Variants in KIAA1549L observed in about 807,000 individuals in gnomAD.
KIAA1549L encodes KIAA1549 like.
A neutral mutation model predicts 160.7 loss-of-function variants in KIAA1549L; 88 were observed. The observed-to-expected ratio is 0.55, with a 90% CI of 0.46 to 0.65. The LOEUF is 0.65. KIAA1549L is among the 30% of genes least tolerant of loss of function. KIAA1549L has a pLI of 0.00. For synonymous variants in KIAA1549L, 950 were observed against 976.7 expected (o/e 0.97, Z 0.51); for missense variants, 2,258 against 2,437.5 (o/e 0.93, Z 1.55).
chr11:33,550,042 C>CAA (rs11284498), intron 4 of KIAA1549L, among the ~76,000 whole-genome samples: 3 of 138,322 alleles, frequency 2.2e-5, no homozygotes, highest in African/African-American at 7.9e-5. Context: ...AAAAAAGAAA[C>CAA]AAAAAAAAAA....
At position 33,492,764 on chromosome 11, in the gene KIAA1549L, G is replaced by A. The variant is rs535472164; in HGVS notation, c.239-49038G>A. 2.6e-5 allele frequency among the ~76,000 whole-genome samples: 4 copies of A among 152,240 alleles called. No homozygotes were observed. The South Asian group carries it at 8.3e-4, about 32-fold the overall frequency. ...ATGGGTACAGTGTTTCCTATCAAAA[G>A]CTATCCCACACATTCTATTCATTAT... On this transcript the variant is annotated intron_variant, in intron 1 of 20. Coordinates refer to ENST00000658780, the MANE Select transcript of KIAA1549L (RefSeq NM_012194.3).
intron 1 of KIAA1549L, among the ~76,000 whole-genome samples, chr11:33,490,210 T>C (rs887739394): frequency 6.6e-6 from 1 of 152,222 alleles, no homozygotes; most frequent in Non-Finnish European, 1.5e-5. Flanking sequence ...ACTTGAGTTA[T>C]TGGGCAGTTG....
intron 1 of KIAA1549L, among the ~76,000 whole-genome samples, chr11:33,491,322 A>G (rs575810676): frequency 6.6e-6 from 1 of 152,312 alleles, no homozygotes; most frequent in Non-Finnish European, 1.5e-5. Context: ...TGGGTACTAC[A>G]CGGTTCACAT....
At chr11:33,434,242 G>C (rs530351138) in intron 1 of KIAA1549L, among the ~76,000 whole-genome samples, 9 of 152,256 alleles carry the variant, frequency 5.9e-5, no homozygotes, top group African/African-American at 2.2e-4. Flanking sequence ...TCTCGTGGTA[G>C]TGAATAAGTC....
At chr11:33,561,884 T>C (rs924294426) in intron 8 of KIAA1549L, 149 bp downstream of exon 8, 2 of 628,046 alleles carry the variant, frequency 3.2e-6, no homozygotes, top group Non-Finnish European at 5.7e-6. Flanking sequence ...CAGAAGTGAA[T>C]GGGGTAAGCT....
intron 13 of KIAA1549L, among the ~76,000 whole-genome samples, chr11:33,599,902 T>C (rs1850309175): frequency 6.6e-6 from 1 of 152,238 alleles, no homozygotes; most frequent in Non-Finnish European, 1.5e-5. Context: ...GCACCCTGCT[T>C]AGCTGCACTT....
chr11:33,380,189 G>A (rs1447998966), intron 1 of KIAA1549L, among the ~76,000 whole-genome samples: 9 of 152,172 alleles, frequency 5.9e-5, no homozygotes, highest in African/African-American at 1.9e-4. Flanking sequence ...GGCTCTGAGC[G>A]GCTGTGTGCT....
In KIAA1549L at chr11:33,541,812, T is replaced by C; in HGVS notation, c.249T>C (p.Asn83=). 7.2e-6 allele frequency: 2 copies of C among 278,286 alleles called. No individual in the cohort carries two copies. The highest frequency in any genetic ancestry group is 7.3e-5 in the South Asian group (2 of 27,496). 17.2% of individuals were successfully genotyped at this position (278,286 alleles called of 1,614,324 possible). ...TATTTTGTTTCACAGGAACAGACAA[T>C]CTACAGATGAATGTCACCCGGACTC... ...EHGQADPGTD[N]LQMNVTRTPE... The change falls in exon 2 of 21, where the codon AAT becomes AAC. Residue 83 remains asparagine, a synonymous_variant. Coordinates refer to ENST00000658780, the MANE Select transcript of KIAA1549L (RefSeq NM_012194.3).
chr11:33,405,472 A>G (rs1355293537), intron 1 of KIAA1549L, among the ~76,000 whole-genome samples: 4 of 151,912 alleles, frequency 2.6e-5, no homozygotes, highest in Admixed American at 6.6e-5. Flanking sequence ...TCCAGATTCA[A>G]TATCCTCTAG....
intron 16 of KIAA1549L, among the ~76,000 whole-genome samples, chr11:33,641,127 C>G (rs535207521): frequency 6.6e-6 from 1 of 152,188 alleles, no homozygotes. Flanking sequence ...TGCAGAGCTC[C>G]GAGAGACTGA....
chr11:33,440,179 G>T (rs1172290916), intron 1 of KIAA1549L, among the ~76,000 whole-genome samples: 16 of 130,842 alleles, frequency 1.2e-4, no homozygotes, highest in African/African-American at 3.7e-4. Context: ...GCCCAGGCTG[G>T]AGTGCAGTGG....
chr11:33,417,052 C>CA (rs1290129200), intron 1 of KIAA1549L, among the ~76,000 whole-genome samples: 14 of 152,120 alleles, frequency 9.2e-5, no homozygotes, highest in Non-Finnish European at 1.9e-4. Context: ...CTGTGTTGTC[C>CA]AATACAGAAG....
intron 1 of KIAA1549L, among the ~76,000 whole-genome samples, chr11:33,436,843 A>G (rs147315201): frequency 3.9e-5 from 6 of 152,260 alleles, no homozygotes; most frequent in African/African-American, 7.2e-5. Context: ...GAAGTGAAGG[A>G]GTCCAGTACT....
intron 10 of KIAA1549L, among the ~76,000 whole-genome samples, chr11:33,577,249 G>A (rs541097541): frequency 6.6e-6 from 1 of 152,300 alleles, no homozygotes; most frequent in South Asian, 2.1e-4. Context: ...CAACCAAATG[G>A]GCTGAGAAGA....
chr11:33,542,401 G>A lies in KIAA1549L; in HGVS notation c.838G>A (p.Asp280Asn), dbSNP rs1404164470. ...VLLVPQTAPA[D>N]PSLGQNIANP... ...GTTAGTTCCCCAAACAGCTCCAGCC[G>A]ACCCCTCTTTAGGTCAGAACATAGC... The change falls in exon 2 of 21, where the codon GAC becomes AAC. Residue 280 changes from aspartate (D) to asparagine (N), a missense_variant. By Grantham distance (23) the Asp-to-Asn change is conservative (BLOSUM62 1). Around this residue, in one of 6 missense-constraint regions of KIAA1549L, gnomAD observed 540 missense variants for 465.7 expected, o/e 1.16. Transcript: ENST00000658780. 9 of 1,449,378 alleles carry A rather than the reference G, an allele frequency of 6.2e-6. No individual in the cohort carries two copies. Among genetic ancestry groups the A allele is most frequent in the Admixed American group, 2.1e-5 (1 of 48,406 alleles). The allele number at this position is 1,449,378 out of a possible 1,614,324, so 89.8% of individuals were successfully genotyped here.
chr11:33,543,094 A>G lies in KIAA1549L; in HGVS notation c.1531A>G (p.Thr511Ala). The G allele has an allele frequency of 1.2e-6, 2 of 1,613,870 alleles. No individual in the cohort carries two copies. The highest frequency in any genetic ancestry group is 1.7e-6 in the Non-Finnish European group (2 of 1,179,872). The change falls in exon 2 of 21, where the codon ACA (threonine) becomes GCA (alanine). Residue 511 changes from threonine to alanine, a missense_variant. By Grantham distance (58) the Thr-to-Ala change is moderately conservative (BLOSUM62 0). This residue lies in a region of KIAA1549L where 540 missense variants were observed against 465.7 expected (regional missense o/e 1.16). Transcript: ENST00000658780. ...FPSILTFLQPTENHASPSPVP... is the reference protein window; with the variant it reads ...FPSILTFLQPAENHASPSPVP... ...CTCCATACTTACTTTCCTCCAGCCCACAGAGAATCATGCCTCCCCATCTCC... is the reference window on the plus strand; with the variant it reads ...CTCCATACTTACTTTCCTCCAGCCCGCAGAGAATCATGCCTCCCCATCTCC...
chr11:33,555,710 T>G (rs1854623920), intron 6 of KIAA1549L, among the ~76,000 whole-genome samples: 1 of 152,214 alleles, frequency 6.6e-6, no homozygotes, highest in South Asian at 2.1e-4. Context: ...GTAGGACTTT[T>G]ATGGGAAAAC....
intron 16 of KIAA1549L, among the ~76,000 whole-genome samples, chr11:33,641,365 C>G (rs1851574477): frequency 6.6e-6 from 1 of 151,966 alleles, no homozygotes; most frequent in Admixed American, 6.6e-5. Context: ...ATAATAATTG[C>G]AGCTAACATT....
chr11:33,595,448 C>T (rs1335579699), intron 12 of KIAA1549L, among the ~76,000 whole-genome samples: 1 of 152,178 alleles, frequency 6.6e-6, no homozygotes, highest in African/African-American at 2.4e-5. Flanking sequence ...AGGCTGGTCT[C>T]AAACTCCTGA....
Sources: gnomAD v4.1 joint callset for allele counts (sites outside exome capture counted in the v4.1 genomes callset) on GRCh38, gnomAD v4.1.1 for gene constraint, gnomAD v4.1.1 regional missense constraint, MANE v1.5 for transcripts, NCBI Gene and HGNC (gene_info 2026-07-23, HGNC 2026-07-21) for gene names.